Variants in SYT1 observed in about 807,000 individuals in gnomAD.
SYT1 encodes synaptotagmin 1, also known as synaptotagmin-1.
SYT1 carries 8 observed loss-of-function variants against 44.8 expected under a neutral mutation model. The ratio of observed to expected loss-of-function variants is 0.18; its 90% CI spans 0.10 to 0.32. The LOEUF is 0.32. SYT1 is among the 10% of genes least tolerant of loss of function. SYT1 has a pLI of 1.00. For synonymous variants in SYT1, 154 were observed against 188.8 expected, an observed-to-expected ratio of 0.82 and a Z score of 1.51; for missense variants, 286 against 509.3, an observed-to-expected ratio of 0.56 and a Z score of 4.22.
At position 79,078,067 on chromosome 12, in the gene SYT1, G is replaced by T. The variant is rs867847591; in HGVS notation, c.-18+30705G>T. On this transcript the variant is annotated intron_variant, in intron 3 of 10. Coordinates refer to ENST00000261205, the MANE Select transcript of SYT1 (RefSeq NM_005639.3). ...TTTAAAACTTGTTTTTTATGAAATG[G>T]TTTTTTTTCTCTAAAATTTCAATAA... Among the ~76,000 whole-genome samples, 4 of 151,798 alleles carry T rather than the reference G, an allele frequency of 2.6e-5. No individual in the cohort carries two copies. The East Asian group carries it at 5.8e-4, about 22-fold the overall frequency.
chr12:78,887,960 A>C (rs960057305), intron 1 of SYT1, among the ~76,000 whole-genome samples: 1 of 151,884 alleles, frequency 6.6e-6, no homozygotes, highest in African/African-American at 2.4e-5. Context: ...TTTATTTCTA[A>C]AGAGGACTGC....
At chr12:79,352,462 T>C (rs529129684) in intron 8 of SYT1, among the ~76,000 whole-genome samples, 2 of 152,252 alleles carry the variant, frequency 1.3e-5, no homozygotes, top group South Asian at 4.1e-4. Context: ...TGGGAAACAC[T>C]AAAATAAGTC....
Position 79,245,331 on chromosome 12 carries a change from C to T in SYT1, c.166+27646C>T, listed in dbSNP as rs1876770659. Reference sequence around the variant, plus strand: ...AAAAAAAAAAAAAAAAAAAATTAGCCAGGCATGTTAGCGGGCGCCTGTAGT... The same window carrying T: ...AAAAAAAAAAAAAAAAAAAATTAGCTAGGCATGTTAGCGGGCGCCTGTAGT... On this transcript the variant is annotated intron_variant, in intron 4 of 10. Transcript: ENST00000261205. Among the ~76,000 whole-genome samples the T allele has an allele frequency of 2.7e-5, 4 of 146,954 alleles. No individual in the cohort carries two copies. The South Asian group carries it at 8.6e-4, about 31-fold the overall frequency.
At chr12:79,135,168 A>G (rs1229258435) in intron 3 of SYT1, among the ~76,000 whole-genome samples, 1 of 152,006 alleles carries the variant, frequency 6.6e-6, no homozygotes, top group South Asian at 2.1e-4. Context: ...TTTGTTACAT[A>G]TGTATACATG....
intron 3 of SYT1, among the ~76,000 whole-genome samples, chr12:79,126,298 G>A (rs539773640): frequency 1.9e-4 from 29 of 152,212 alleles, no homozygotes; most frequent in African/African-American, 6.8e-4. Flanking sequence ...GTCTCGCTCT[G>A]TTGCCAGGCT....
chr12:78,903,362 T>C (rs918456792), intron 1 of SYT1, among the ~76,000 whole-genome samples: 75 of 152,010 alleles, frequency 4.9e-4, no homozygotes, highest in African/African-American at 1.8e-3. Flanking sequence ...CTTGGCTCAC[T>C]GCAACCTCTG....
At chr12:79,271,819 A>G (rs1878441430) in intron 4 of SYT1, among the ~76,000 whole-genome samples, 1 of 152,218 alleles carries the variant, frequency 6.6e-6, no homozygotes, top group African/African-American at 2.4e-5. Flanking sequence ...GTCATGAATA[A>G]TCTACAGAGA....
chr12:79,413,283 C>G (rs978537365), intron 9 of SYT1, among the ~76,000 whole-genome samples: 2 of 152,154 alleles, frequency 1.3e-5, no homozygotes, highest in Non-Finnish European at 2.9e-5. Flanking sequence ...TGGGTTTTCT[C>G]CCAGCACAGT....
chr12:79,136,798 G>C (rs1032616652), intron 3 of SYT1, among the ~76,000 whole-genome samples: 1 of 151,988 alleles, frequency 6.6e-6, no homozygotes, highest in Non-Finnish European at 1.5e-5. Flanking sequence ...CATTTCTCTT[G>C]TGTTTTTCAT....
chr12:79,330,750 C>T (rs965669913), intron 8 of SYT1, among the ~76,000 whole-genome samples: 1 of 152,206 alleles, frequency 6.6e-6, no homozygotes, highest in African/African-American at 2.4e-5. Flanking sequence ...CCGTTAAATC[C>T]ACAGAACGGT....
chr12:78,900,116 G>A (rs1875581478), intron 1 of SYT1, among the ~76,000 whole-genome samples: 1 of 152,094 alleles, frequency 6.6e-6, no homozygotes, highest in Non-Finnish European at 1.5e-5. Flanking sequence ...TGGTGACTAA[G>A]AGAGGCTGAG....
intron 4 of SYT1, among the ~76,000 whole-genome samples, chr12:79,220,593 G>C (rs903372403): frequency 2.6e-5 from 4 of 151,882 alleles, no homozygotes; most frequent in Admixed American, 2.0e-4. Flanking sequence ...GTATTGCATA[G>C]GTTTTGCTAT....
intron 8 of SYT1, among the ~76,000 whole-genome samples, chr12:79,323,009 TG>T (rs1881438945): frequency 6.6e-6 from 1 of 152,144 alleles, no homozygotes; most frequent in African/African-American, 2.4e-5. Context: ...TGATCTCCCG[TG>T]GGATCTAACA....
chr12:78,912,678 G>A (rs182703734), intron 1 of SYT1, among the ~76,000 whole-genome samples: 5 of 151,900 alleles, frequency 3.3e-5, no homozygotes, highest in African/African-American at 1.2e-4. Flanking sequence ...TTTTAAAAAA[G>A]ATGCTTTAAA....
intron 9 of SYT1, chr12:79,392,778 A>T (rs1884709738): frequency 6.7e-6 from 1 of 149,378 alleles, no homozygotes; most frequent in African/African-American, 2.4e-5. Context: ...TTTCTGAAGC[A>T]CAACTCTTTA....
intron 4 of SYT1, among the ~76,000 whole-genome samples, chr12:79,252,859 A>C (rs188702563): frequency 6.6e-6 from 1 of 152,336 alleles, no homozygotes; most frequent in Non-Finnish European, 1.5e-5. Context: ...GTAATGGAGA[A>C]GGAAGTTCCA....
chr12:79,192,948 C>G (rs1873218985), intron 3 of SYT1, among the ~76,000 whole-genome samples: 1 of 152,130 alleles, frequency 6.6e-6, no homozygotes. Flanking sequence ...CCTTTCAATA[C>G]TGTGGACTCA....
chr12:79,013,710 A>C (rs1871579681), intron 2 of SYT1, among the ~76,000 whole-genome samples: 1 of 152,220 alleles, frequency 6.6e-6, no homozygotes, highest in East Asian at 1.9e-4. Context: ...TTACTATATA[A>C]AGCCACTTTT....
At chr12:79,263,270 ATTT>A (rs34435501) in intron 4 of SYT1, among the ~76,000 whole-genome samples, 90 of 139,902 alleles carry the variant, frequency 6.4e-4, no homozygotes, top group African/African-American at 1.5e-3. Flanking sequence ...TCTTCTGGTG[ATTT>A]TTTTTTTTTT....
Sources: allele counts gnomAD v4.1 joint callset (sites outside exome capture counted in the v4.1 genomes callset), GRCh38; gene constraint gnomAD v4.1.1; transcripts MANE v1.5; gene names NCBI Gene and HGNC (gene_info 2026-07-23, HGNC 2026-07-21).